The following ATG16L2 variants were observed in gnomAD, a reference collection of about 807,000 sequenced individuals.
ATG16L2 encodes protein Atg16l2.
A neutral mutation model predicts 84.7 loss-of-function variants in ATG16L2; 77 were observed. The ratio of observed to expected loss-of-function variants is 0.91; its 90% CI spans 0.76 to 1.10. The LOEUF (loss-of-function observed/expected upper bound fraction) is 1.10. Ranked by LOEUF, ATG16L2 falls within the 50% of genes least tolerant of loss-of-function variation. The probability of loss-of-function intolerance (pLI) is 0.00; values close to 1 mark genes in which losing one functional copy is unlikely to be tolerated. For missense variants in ATG16L2, 782 were observed against 817.6 expected, an observed-to-expected ratio of 0.96 and a Z score of 0.53; for synonymous variants, 361 against 342.8, an observed-to-expected ratio of 1.05 and a Z score of -0.59.
At chr11:72,835,045 G>A (rs1246073123) in intron 5 of ATG16L2, among the ~76,000 whole-genome samples, 1 of 152,220 alleles carries the variant, frequency 6.6e-6, no homozygotes, top group Non-Finnish European at 1.5e-5. Context: ...TCTAGGTGGT[G>A]TACTGAGAAC....
intron 1 of ATG16L2, among the ~76,000 whole-genome samples, chr11:72,814,883 G>A (rs374619076): frequency 3.3e-5 from 5 of 152,176 alleles, no homozygotes; most frequent in African/African-American, 1.2e-4. Context: ...CTCCCCACCC[G>A]GGCAGTCCCC....
chr11:72,822,118 GGCGGGCGCAGAATGCGGTGCA>G lies in ATG16L2; in HGVS notation c.474_494del (p.Gln159_Ala165del), dbSNP rs766371476. 10 of 1,519,300 alleles carry G rather than the reference GGCGGGCGCAGAATGCGGTGCA, an allele frequency of 6.6e-6. No homozygotes were observed. In the South Asian group the frequency reaches 1.2e-4, roughly 19 times the overall value. 94.1% of individuals were successfully genotyped at this position (1,519,300 alleles called of 1,614,324 possible). On this transcript the variant is annotated inframe_deletion, in exon 5 of 18. Coordinates refer to ENST00000321297, the MANE Select transcript of ATG16L2 (RefSeq NM_033388.2). This position sits in a 1 kb window ranked among gnomAD's most constrained non-coding sequence, Gnocchi z 4.2. ...CAGCAGGCCCAGCAGGTGGAGGAGT[GGCGGGCGCAGAATGCGGTGCA>G]GCGGGCAGCCTACGAGGCGCTGCGC...
intron 17 of ATG16L2, 135 bp from the exon 18 acceptor site, chr11:72,829,168 G>A: frequency 8.8e-7 from 1 of 1,140,302 alleles, no homozygotes. Context: ...CCACAGCCCT[G>A]TGAGCTAACT....
chr11:72,815,413 G>T (rs1430770843), intron 1 of ATG16L2, among the ~76,000 whole-genome samples: 1 of 152,150 alleles, frequency 6.6e-6, no homozygotes, highest in East Asian at 1.9e-4. Flanking sequence ...AGGGTTGCGA[G>T]GCCAGCCCCC....
At chr11:72,833,496 T>A (rs944548352), downstream of ATG16L2, among the ~76,000 whole-genome samples, 18 of 152,208 alleles carry the variant, frequency 1.2e-4, no homozygotes, top group African/African-American at 4.3e-4. Context: ...GGGACTGGAA[T>A]ACATTTCCTT....
chr11:72,819,751 CTTT>C (rs778469920), intron 3 of ATG16L2, among the ~76,000 whole-genome samples: 2 of 146,560 alleles, frequency 1.4e-5, no homozygotes, highest in African/African-American at 5.0e-5. Context: ...TCTTTTCTTT[CTTT>C]TTTTTTTTTG....
At position 72,841,032 on chromosome 11, in the gene ATG16L2, G is replaced by A. The variant is rs1860913292; in HGVS notation, c.*22-1585G>A. On this transcript the variant is annotated intron_variant, in intron 5 of 5. Transcript: ENST00000534905. ...ATAATGCTGATGCAAGGCTGGCATG[G>A]TGGCTTGAGCCTGTAATCCCAGCAC... The A allele has an allele frequency of 4.3e-6, 5 of 1,155,552 alleles. No individual in the cohort carries two copies. The South Asian group carries it at 6.3e-5, about 15-fold the overall frequency. The allele number at this position is 1,155,552 out of a possible 1,614,324, so 71.6% of individuals were successfully genotyped here.
chr11:72,829,126 G>T, intron 17 of ATG16L2, 142 bp downstream of exon 17: 1 of 1,094,838 alleles, frequency 9.1e-7, no homozygotes. Context: ...AGTTCACAAG[G>T]TACTTTCCAC....
intron 8 of ATG16L2, 196 bp from the exon 9 acceptor site, chr11:72,824,538 G>A: frequency 3.3e-6 from 2 of 605,018 alleles, no homozygotes; most frequent in Non-Finnish European, 5.9e-6. Context: ...GTCTGCCTCT[G>A]TGTGCTCCCC....
chr11:72,821,682 G>A lies in ATG16L2; in HGVS notation c.333G>A (p.Val111=). 1 of 1,536,916 alleles carries A rather than the reference G, an allele frequency of 6.5e-7. No homozygotes were observed. Among genetic ancestry groups the A allele is most frequent in the Middle Eastern group, 2.1e-4 (1 of 4,712 alleles). ...TCCGCCCCCAGATGGCCTACCAGGT[G>A]GTGGAGAAGGGCGCGGCCCTGGGCA... ...RLVCGEMAYQ[V]VEKGAALGTL... The change falls in exon 4 of 18, where the codon GTG becomes GTA. Residue 111 remains valine, a synonymous_variant. Transcript: ENST00000321297.
Position 72,824,783 on chromosome 11 carries a change from T to A in ATG16L2, c.937T>A (p.Tyr313Asn). 1 of 1,612,602 alleles carries A rather than the reference T, an allele frequency of 6.2e-7. No individual in the cohort carries two copies. The highest frequency in any genetic ancestry group is 8.5e-7 in the Non-Finnish European group (1 of 1,179,224). The change falls in exon 9 of 18, where the codon TAC (tyrosine) becomes AAC (asparagine). Residue 313 changes from tyrosine (Y) to asparagine (N), a missense_variant. Physicochemically the swap from Tyr to Asn is moderately radical, Grantham distance 143. Coordinates refer to ENST00000321297, the MANE Select transcript of ATG16L2 (RefSeq NM_033388.2). ...HSIGGAPEQR[Y>N]QIIPVCVAAR... ...AATTGGGGGAGCCCCTGAGCAGCGA[T>A]ACCAGATCATCCCTGTGTGTGTGGC...
rs953204068 is a variant in ATG16L2 at position 72,816,461 on chromosome 11, G to A, written c.119-267G>A. On this transcript the variant is annotated intron_variant, in intron 1 of 17. Transcript: ENST00000321297. ...CAGGACCCTCAGCGGGCAGTACCCCGCAGTGGTCATCCTTCTGTCCCTGGG... is the reference window on the plus strand; with the variant it reads ...CAGGACCCTCAGCGGGCAGTACCCCACAGTGGTCATCCTTCTGTCCCTGGG... 41 of 414,226 alleles carry A rather than the reference G, an allele frequency of 9.9e-5. 1 individual carries two copies. Among genetic ancestry groups the A allele is most frequent in the South Asian group, 8.4e-4 (22 of 26,192 alleles). 25.7% of individuals were successfully genotyped at this position (414,226 alleles called of 1,614,324 possible).
intron 3 of ATG16L2, chr11:72,821,189 G>C: frequency 1.0e-6 from 1 of 985,326 alleles, no homozygotes; most frequent in Non-Finnish European, 1.2e-6. Context: ...CGGTGTCCTT[G>C]TCTGTGAAGT....
chr11:72,827,361 T>G, intron 14 of ATG16L2, 68 bp downstream of exon 14: 4 of 1,341,688 alleles, frequency 3.0e-6, no homozygotes, highest in East Asian at 2.3e-5. Context: ...TCTTGTTCCT[T>G]TCTCTGGCCA....
At chr11:72,817,012 A>G (rs1217737047) in intron 2 of ATG16L2, among the ~76,000 whole-genome samples, 185 bp downstream of exon 2, 1 of 152,094 alleles carries the variant, frequency 6.6e-6, no homozygotes, top group Non-Finnish European at 1.5e-5. Flanking sequence ...CCCACAGGAC[A>G]GCTGTTTAGA....
At chr11:72,839,993 G>A (rs1027703485) in intron 5 of ATG16L2, among the ~76,000 whole-genome samples, 1 of 152,144 alleles carries the variant, frequency 6.6e-6, no homozygotes, top group African/African-American at 2.4e-5. Flanking sequence ...AAGCAAACGA[G>A]GCAAATGTAG....
At chr11:72,843,399 A>G (rs1861026050) in exon 6 of ATG16L2, 1 of 1,608,222 alleles carries the variant, frequency 6.2e-7, no homozygotes, top group East Asian at 2.2e-5. Flanking sequence ...AGACCAAAAC[A>G]AACTCCTAAA....
At position 72,822,563 on chromosome 11, in the gene ATG16L2, G is replaced by C; in HGVS notation, c.710+20G>C. 3.7e-6 allele frequency: 6 copies of C among 1,609,540 alleles called. No homozygotes were observed. The highest frequency in any genetic ancestry group is 4.2e-6 in the Non-Finnish European group (5 of 1,178,238). Reference sequence around the variant, plus strand: ...CAGCGAGTAAGAGTGGGGATGGGCCGGTCCGACCCTTGCGTTCTGCCTCCC... The same window carrying C: ...CAGCGAGTAAGAGTGGGGATGGGCCCGTCCGACCCTTGCGTTCTGCCTCCC... On this transcript the variant is annotated intron_variant, in intron 6 of 17. Coordinates refer to ENST00000321297, the MANE Select transcript of ATG16L2 (RefSeq NM_033388.2). This position sits in a 1 kb window ranked among gnomAD's most constrained non-coding sequence, Gnocchi z 4.2.
At chr11:72,827,438 CCTCTCGGCTGGGCTCAG>C (rs1215900926) in intron 14 of ATG16L2, 145 bp downstream of exon 14, 4 of 667,670 alleles carry the variant, frequency 6.0e-6, no homozygotes, top group Middle Eastern at 3.8e-4. Flanking sequence ...CCAGCTAGTG[CCTCTCGGCTGGGCTCAG>C]CTCCCGCAGG....
Sources: allele counts gnomAD v4.1 joint callset (sites outside exome capture counted in the v4.1 genomes callset), GRCh38; gene constraint gnomAD v4.1.1; non-coding constraint Gnocchi (gnomAD v3.1); transcripts MANE v1.5; gene names NCBI Gene and HGNC (gene_info 2026-07-23, HGNC 2026-07-21).